Variants in ADAM28 observed in about 807,000 individuals in gnomAD.
The protein encoded by ADAM28 is disintegrin and metalloproteinase domain-containing protein 28.
In ADAM28, 105 loss-of-function variants were observed where a neutral mutation model predicts 101.2. The observed-to-expected ratio is 1.04, with a 90% confidence interval of 0.89 to 1.22. ADAM28 has a LOEUF of 1.22. Ranked by LOEUF, ADAM28 falls within the 50% of genes most tolerant of loss-of-function variation. The pLI, the probability that ADAM28 is intolerant of heterozygous loss-of-function variation, is 0.00. For synonymous variants in ADAM28, 322 were observed against 310.6 expected, an observed-to-expected ratio of 1.04 and a Z score of -0.39; for missense variants, 1,028 against 945.4, an observed-to-expected ratio of 1.09 and a Z score of -1.15.
Position 24,354,655 on chromosome 8 carries a change from A to ATCATCTTCCTTCTT in ADAM28, c.*251_*252insTCATCTTCCTTCTT, listed in dbSNP as rs1816556045. On this transcript the variant is annotated 3_prime_UTR_variant, in exon 23 of 23. Coordinates refer to ENST00000265769, the MANE Select transcript of ADAM28 (RefSeq NM_014265.6). The stretch of plus-strand genomic sequence containing the variant: ...ATAAGAAGGAAGATGATTGTAAAGA[A>ATCATCTTCCTTCTT]ATATCTCCGAAGTTAAAATCTGTAA... 2.8e-6 allele frequency: 1 copy of ATCATCTTCCTTCTT among 355,028 alleles called. No individual in the cohort carries two copies. Among genetic ancestry groups the ATCATCTTCCTTCTT allele is most frequent in the East Asian group, 5.3e-5 (1 of 18,930 alleles). 22.0% of individuals were successfully genotyped at this position (355,028 alleles called of 1,614,324 possible).
intron 21 of ADAM28, among the ~76,000 whole-genome samples, chr8:24,352,623 G>A (rs574425663): frequency 6.6e-6 from 1 of 152,218 alleles, no homozygotes; most frequent in African/African-American, 2.4e-5. Flanking sequence ...ATGAAATTGT[G>A]GGGTGACACA....
At chr8:24,308,296 G>A (rs1281171092) in intron 2 of ADAM28, among the ~76,000 whole-genome samples, 1 of 152,110 alleles carries the variant, frequency 6.6e-6, no homozygotes, top group African/African-American at 2.4e-5. Flanking sequence ...TCTTTCAAAA[G>A]TATTATTATT....
intron 2 of ADAM28, among the ~76,000 whole-genome samples, chr8:24,302,959 C>T (rs1347417909): frequency 7.1e-6 from 1 of 139,984 alleles, no homozygotes; most frequent in Non-Finnish European, 1.5e-5. Context: ...GTGATGTTCC[C>T]CATCCTGTGT....
At chr8:24,306,369 TATATATATATATATATTTAA>T (rs1809661636) in intron 2 of ADAM28, among the ~76,000 whole-genome samples, 1 of 135,692 alleles carries the variant, frequency 7.4e-6, no homozygotes, top group Non-Finnish European at 1.6e-5. Flanking sequence ...AATAAATATA[TATATATATATATATATTTAA>T]AAATATATAT....
chr8:24,339,036 T>A (rs1269818081), intron 14 of ADAM28, among the ~76,000 whole-genome samples: 1 of 151,912 alleles, frequency 6.6e-6, no homozygotes, highest in Non-Finnish European at 1.5e-5. Context: ...AAATTATATA[T>A]CCTTATTTTA....
chr8:24,319,467 C>G (rs762390236), intron 6 of ADAM28, among the ~76,000 whole-genome samples: 2 of 151,950 alleles, frequency 1.3e-5, no homozygotes, highest in East Asian at 3.9e-4. Flanking sequence ...ATAAATATTT[C>G]GTTCCCATGG....
intron 19 of ADAM28, among the ~76,000 whole-genome samples, chr8:24,350,880 T>C (rs78014297): frequency 1.3e-5 from 2 of 150,126 alleles, no homozygotes; most frequent in African/African-American, 2.4e-5. Context: ...TTTTTTTTTT[T>C]TTTTTTTTTT....
At chr8:24,354,214 T>C (rs1272221109) in intron 22 of ADAM28, among the ~76,000 whole-genome samples, 170 bp from the exon 23 acceptor site, 1 of 152,158 alleles carries the variant, frequency 6.6e-6, no homozygotes, top group South Asian at 2.1e-4. Flanking sequence ...TTTTTCTCAC[T>C]CCCTTCCTAT....
intron 10 of ADAM28, among the ~76,000 whole-genome samples, chr8:24,328,921 CAA>C (rs36091498): frequency 7.4e-6 from 1 of 135,502 alleles, no homozygotes. Flanking sequence ...GACACAGTCT[CAA>C]AAAAAAAAAA....
At position 24,339,559 on chromosome 8, in the gene ADAM28, G is replaced by A. The variant is rs1307821149; in HGVS notation, c.1661G>A (p.Cys554Tyr). 2 of 1,611,162 alleles carry A rather than the reference G, an allele frequency of 1.2e-6. No homozygotes were observed. The highest frequency in any genetic ancestry group is 1.3e-5 in the African/African-American group (1 of 74,808). Residue 554 changes from cysteine (C) to tyrosine (Y), a missense_variant, in exon 15 of 23, where the codon TGC (cysteine) becomes TAC (tyrosine). Coordinates refer to ENST00000265769, the MANE Select transcript of ADAM28 (RefSeq NM_014265.6). ...CRRVDDTLIP[C>Y]KANDTMCGKL... ...AGAGTGGATGACACACTCATTCCCT[G>A]CAAAGCAAAGTAAGTGGCCTTGTCT...
chr8:24,324,662 A>G (rs1329080868), intron 9 of ADAM28, among the ~76,000 whole-genome samples: 2 of 152,012 alleles, frequency 1.3e-5, no homozygotes, highest in Non-Finnish European at 1.5e-5. Context: ...TGTTAACTGC[A>G]TAACAAATGA....
chr8:24,304,932 T>A (rs965607666), intron 2 of ADAM28, among the ~76,000 whole-genome samples: 155 of 147,642 alleles, frequency 1.0e-3, no homozygotes, highest in African/African-American at 3.4e-3. Context: ...AAAAAAAAAA[T>A]AGATTATGCT....
intron 15 of ADAM28, 129 bp downstream of exon 15, chr8:24,339,697 T>C (rs1585700822): frequency 1.3e-6 from 1 of 761,938 alleles, no homozygotes; most frequent in East Asian, 2.8e-5. Flanking sequence ...CAAACATTTA[T>C]TGAGTAACTA....
At chr8:24,341,458 A>T in intron 15 of ADAM28, 140 bp from the exon 16 acceptor site, 1 of 844,156 alleles carries the variant, frequency 1.2e-6, no homozygotes, top group Non-Finnish European at 1.9e-6. Context: ...ATTACTGAGA[A>T]ATAAGGGAAA....
Position 24,294,175 on chromosome 8 carries a change from G to T in ADAM28, c.26G>T (p.Ser9Ile). Residue 9 changes from serine (S) to isoleucine (I), a missense_variant, in exon 1 of 23, where the codon AGT (serine) becomes ATT (isoleucine). Physicochemically the swap from Ser to Ile is moderately radical, Grantham distance 142. Transcript: ENST00000265769. The part of the protein sequence containing the change: MLQGLLPV[S>I]LLLSVAVSAI... ...ATGTTGCAAGGTCTCCTGCCAGTCAGTCTCCTCCTCTCTGTTGCAGGTACA... is the reference window on the plus strand; with the variant it reads ...ATGTTGCAAGGTCTCCTGCCAGTCATTCTCCTCCTCTCTGTTGCAGGTACA... The T allele has an allele frequency of 6.2e-7, 1 of 1,614,152 alleles. No homozygotes were observed.
Position 24,353,844 on chromosome 8 carries a change from A to G in ADAM28, c.2307+12A>G, listed in dbSNP as rs117143641. On this transcript the variant is annotated intron_variant, in intron 22 of 22. Transcript: ENST00000265769. ...TGTCTACACCTAAGGTAAGAGATCT[A>G]TAGCCAAATTATTATATTCTTGTAT... 289 of 1,479,438 alleles carry G rather than the reference A, an allele frequency of 2.0e-4. 1 individual carries two copies. In the East Asian group the frequency reaches 6.5e-3, roughly 33 times the overall value. 91.6% of individuals were successfully genotyped at this position (1,479,438 alleles called of 1,614,324 possible).
intron 4 of ADAM28, among the ~76,000 whole-genome samples, chr8:24,310,611 A>G (rs1438295760): frequency 6.6e-6 from 1 of 152,124 alleles, no homozygotes; most frequent in Non-Finnish European, 1.5e-5. Context: ...GCAATTGCAG[A>G]ATTGCTTTTC....
At chr8:24,354,071 T>G (rs756514111) in intron 22 of ADAM28, among the ~76,000 whole-genome samples, 1 of 152,194 alleles carries the variant, frequency 6.6e-6, no homozygotes, top group South Asian at 2.1e-4. Context: ...CTCAGAAATA[T>G]TCCCTAAGGA....
intron 18 of ADAM28, among the ~76,000 whole-genome samples, chr8:24,344,303 T>C (rs1027355906): frequency 6.6e-6 from 1 of 152,146 alleles, no homozygotes; most frequent in Non-Finnish European, 1.5e-5. Context: ...AGAGCTGCTT[T>C]TTCTCATCAT....
Sources: allele counts gnomAD v4.1 joint callset (sites outside exome capture counted in the v4.1 genomes callset), GRCh38; gene constraint gnomAD v4.1.1; transcripts MANE v1.5; gene names NCBI Gene and HGNC (gene_info 2026-07-23, HGNC 2026-07-21).